Variants in CDH23 observed in about 807,000 individuals in gnomAD.
CDH23 encodes cadherin-23.
A neutral mutation model predicts 317.1 loss-of-function variants in CDH23; 189 were observed. The observed-to-expected ratio is 0.60, with a 90% CI of 0.53 to 0.67. CDH23 has a LOEUF of 0.67. Among genes scored for constraint, CDH23 ranks in the 30% least tolerant of loss-of-function variants. The pLI is 0.00. For synonymous variants in CDH23, 1,839 were observed against 1,876.8 expected, an observed-to-expected ratio of 0.98 and a Z score of 0.52; for missense variants, 4,401 against 4,592.4, an observed-to-expected ratio of 0.96 and a Z score of 1.20.
intron 14 of CDH23, among the ~76,000 whole-genome samples, chr10:71,669,081 G>A (rs1864033676): frequency 6.6e-6 from 1 of 152,224 alleles, no homozygotes; most frequent in African/African-American, 2.4e-5. Context: ...TAGGGCAGAG[G>A]CTGACTGCAA....
At chr10:71,402,058 A>G (rs536671165) in intron 1 of CDH23, among the ~76,000 whole-genome samples, 11 of 152,224 alleles carry the variant, frequency 7.2e-5, no homozygotes, top group Non-Finnish European at 1.2e-4. Context: ...TTTCAGTGTG[A>G]AAGTTGATCA....
rs1840862305 is a variant in CDH23 at position 71,778,195 on chromosome 10, A to G, written c.5074A>G (p.Ile1692Val). 3.7e-6 allele frequency: 6 copies of G among 1,613,736 alleles called. No individual in the cohort carries two copies. Among genetic ancestry groups the G allele is most frequent in the Admixed American group, 1.7e-5 (1 of 59,984 alleles). Residue 1692 changes from isoleucine (I) to valine (V), a missense_variant, in exon 40 of 70, where the codon ATC (isoleucine) becomes GTC (valine). Transcript: ENST00000224721. The stretch of plus-strand genomic sequence containing the variant: ...CCTTCCCTGTGTCCCCCAGGGTGTC[A>G]TCACTGCTGCCAAAGAGCTGGACTA... ...TFRIDRHMGV[I>V]TAAKELDYEI... is the part of the protein sequence containing the mutation.
At chr10:71,473,376 T>C (rs1202808457) in intron 3 of CDH23, among the ~76,000 whole-genome samples, 1 of 152,244 alleles carries the variant, frequency 6.6e-6, no homozygotes, top group Non-Finnish European at 1.5e-5. Flanking sequence ...TCTGTGCACC[T>C]GTGTGTTCAT....
intron 28 of CDH23, among the ~76,000 whole-genome samples, chr10:71,721,234 C>T (rs1348057822): frequency 1.3e-5 from 2 of 152,198 alleles, no homozygotes; most frequent in African/African-American, 4.8e-5. Flanking sequence ...ACAATTGAAG[C>T]ACCCTGTTAC....
chr10:71,529,398 C>T (rs1028922382), intron 6 of CDH23, among the ~76,000 whole-genome samples: 7 of 152,244 alleles, frequency 4.6e-5, no homozygotes, highest in South Asian at 2.1e-4. Flanking sequence ...GGGAGGAGAG[C>T]GCTGGTGAGA....
Position 71,725,450 on chromosome 10 carries a change from G to A in CDH23, c.3509G>A (p.Arg1170Gln), listed in dbSNP as rs765527342. Residue 1170 changes from arginine (R) to glutamine (Q), a missense_variant, in exon 30 of 70, where the codon CGG becomes CAG. Transcript: ENST00000224721. ...GGGCCCCGGCCCCTGGACCGGGAGC[G>A]GAACTCATCCCACGTGCTGATAGTG... Reference protein sequence around the residue: ...MRGPRPLDRERNSSHVLIVEA... With the variant: ...MRGPRPLDREQNSSHVLIVEA... 48 of 1,613,878 alleles carry A rather than the reference G, an allele frequency of 3.0e-5. No homozygotes were observed. Among genetic ancestry groups the A allele is most frequent in the Middle Eastern group, 3.3e-4 (2 of 6,084 alleles).
chr10:71,564,230 A>T (rs911268955), intron 6 of CDH23, among the ~76,000 whole-genome samples: 1 of 152,146 alleles, frequency 6.6e-6, no homozygotes, highest in Admixed American at 6.5e-5. Flanking sequence ...GTGCATTTCC[A>T]TGGAACAGCA....
At position 71,439,840 on chromosome 10, in the gene CDH23, C is replaced by T. The variant is rs1370864645; in HGVS notation, c.9C>T (p.Arg3=). 2 of 1,566,836 alleles carry T rather than the reference C, an allele frequency of 1.3e-6. No individual in the cohort carries two copies. Among genetic ancestry groups the T allele is most frequent in the Non-Finnish European group, 1.7e-6 (2 of 1,154,754 alleles). MG[R]HVATSCHVAW... The stretch of plus-strand genomic sequence containing the variant: ...TTGTGTCCCCAGGAGCCATGGGGCG[C>T]CATGTTGCCACCAGCTGCCACGTGG... The change falls in exon 2 of 70, where the codon CGC becomes CGT. Residue 3 remains arginine (R), a synonymous_variant. Transcript: ENST00000224721.
At chr10:71,523,710 C>T (rs956407153) in intron 6 of CDH23, among the ~76,000 whole-genome samples, 1 of 152,164 alleles carries the variant, frequency 6.6e-6, no homozygotes, top group African/African-American at 2.4e-5. Flanking sequence ...TAGAGAGGCT[C>T]ATTCATGTAT....
rs977924634 is a variant in CDH23, at chr10:71,583,217, G to A, written c.832+5225G>A. Among the ~76,000 whole-genome samples the A allele has an allele frequency of 9.9e-5, 15 of 151,308 alleles. No individual in the cohort carries two copies. The East Asian group carries it at 2.0e-3, about 20-fold the overall frequency. On this transcript the variant is annotated intron_variant, in intron 9 of 69. Transcript: ENST00000224721. ...ATTCATGCATCTGCAGTAGCTCAGCGTGGCCGGGCAGAGTGCACAGGGGAG... is the reference window on the plus strand; with the variant it reads ...ATTCATGCATCTGCAGTAGCTCAGCATGGCCGGGCAGAGTGCACAGGGGAG...
intron 3 of CDH23, among the ~76,000 whole-genome samples, chr10:71,464,617 T>A (rs2211204): frequency 0.4 from 59,357 of 147,910 alleles, 12,819 homozygotes; most frequent in East Asian, 0.61. Flanking sequence ...GTGGATGACT[T>A]GCTGTCAGTT....
intron 38 of CDH23, among the ~76,000 whole-genome samples, chr10:71,771,242 C>T (rs2132911893): frequency 6.6e-6 from 1 of 152,268 alleles, no homozygotes; most frequent in African/African-American, 2.4e-5. Context: ...TGTACCTCTC[C>T]ACCCATCTCA....
intron 12 of CDH23, 35 bp downstream of exon 12, chr10:71,643,901 G>GT (rs1373183700): frequency 1.3e-6 from 1 of 766,072 alleles, no homozygotes; most frequent in Non-Finnish European, 2.4e-6. Flanking sequence ...GGTTGGGCTT[G>GT]GGGAGGGCTT....
At chr10:71,664,688 T>A (rs1863811900) in intron 14 of CDH23, among the ~76,000 whole-genome samples, 1 of 152,248 alleles carries the variant, frequency 6.6e-6, no homozygotes, top group Non-Finnish European at 1.5e-5. Flanking sequence ...TTACCTTCCT[T>A]AATCCTCACA....
At chr10:71,436,737 A>T (rs1849640850) in intron 1 of CDH23, among the ~76,000 whole-genome samples, 1 of 152,154 alleles carries the variant, frequency 6.6e-6, no homozygotes, top group Non-Finnish European at 1.5e-5. Context: ...TTCCTGCAGC[A>T]CCCAGCAGAA....
At position 71,735,353 on chromosome 10, in the gene CDH23, G is replaced by A. The variant is rs1437533810; in HGVS notation, c.4209+695G>A. Among the ~76,000 whole-genome samples, 3 of 152,182 alleles carry A rather than the reference G, an allele frequency of 2.0e-5. No homozygotes were observed. The East Asian group carries it at 5.8e-4, about 29-fold the overall frequency. On this transcript the variant is annotated intron_variant, in intron 34 of 69. Coordinates refer to ENST00000224721, the MANE Select transcript of CDH23 (RefSeq NM_022124.6). The stretch of plus-strand genomic sequence containing the variant: ...CCCCTGGGGGAGGGGGGCCCACTGA[G>A]GTCAGAAGAGCCAGACAACGTTCCT...
chr10:71,516,425 C>T (rs1854335722), intron 6 of CDH23, among the ~76,000 whole-genome samples: 2 of 152,230 alleles, frequency 1.3e-5, no homozygotes, highest in Admixed American at 1.3e-4. Context: ...CCCCACTAAC[C>T]TGAACCACCT....
chr10:71,515,382 T>C (rs1020211803), intron 6 of CDH23, among the ~76,000 whole-genome samples: 3 of 124,786 alleles, frequency 2.4e-5, no homozygotes, highest in Non-Finnish European at 4.9e-5. Context: ...TCTCTCTCTC[T>C]CTCTCTCTCT....
intron 38 of CDH23, chr10:71,773,284 C>A: frequency 6.7e-7 from 1 of 1,498,788 alleles, no homozygotes; most frequent in Non-Finnish European, 9.1e-7. Flanking sequence ...AGGACGCCCC[C>A]ATCCCACAGT....
Sources: gnomAD v4.1 joint callset for allele counts (sites outside exome capture counted in the v4.1 genomes callset) on GRCh38, gnomAD v4.1.1 for gene constraint, MANE v1.5 for transcripts, NCBI Gene and HGNC (gene_info 2026-07-23, HGNC 2026-07-21) for gene names.